Variants in RPS6KL1 observed in about 807,000 individuals in gnomAD.
The protein encoded by RPS6KL1 is ribosomal protein S6 kinase like 1, also known as ribosomal protein S6 kinase-like 1.
RPS6KL1 carries 41 observed loss-of-function variants against 57.0 expected under a neutral mutation model. That is an observed-to-expected ratio of 0.72 (90% CI 0.56 to 0.93). The LOEUF is 0.93. Among genes scored for constraint, RPS6KL1 ranks in the 40% least tolerant of loss-of-function variants. The probability of loss-of-function intolerance (pLI) is 0.00; values close to 1 mark genes in which losing one functional copy is unlikely to be tolerated. For synonymous variants in RPS6KL1, 287 were observed against 309.7 expected (o/e 0.93, Z 0.77); for missense variants, 697 against 727.7 (o/e 0.96, Z 0.49).
In RPS6KL1 at chr14:74,906,269, CTT is replaced by C. The variant is rs1483101787; in HGVS notation, c.*743_*744del. 6.3e-6 allele frequency: 2 copies of C among 319,994 alleles called. No individual in the cohort carries two copies. The highest frequency in any genetic ancestry group is 4.3e-5 in the African/African-American group (2 of 46,368). 19.8% of individuals were successfully genotyped at this position (319,994 alleles called of 1,614,324 possible). A position where few individuals can be genotyped will look rare whatever the true frequency, so the allele number is the denominator to read the frequency against. The stretch of plus-strand genomic sequence containing the variant: ...CACAGGCCCACTGGGGAGGAGGACT[CTT>C]GATTCTGGTTTCAGACTTGCTCTAA... On this transcript the variant is annotated 3_prime_UTR_variant, in exon 12 of 12. Coordinates refer to ENST00000557413, the MANE Select transcript of RPS6KL1 (RefSeq NM_031464.5).
Position 74,910,045 on chromosome 14 carries a change from G to A in RPS6KL1, c.768C>T (p.His256=), listed in dbSNP as rs770434422. The A allele has an allele frequency of 6.2e-7, 1 of 1,613,156 alleles. No individual in the cohort carries two copies. Among genetic ancestry groups the A allele is most frequent in the South Asian group, 1.1e-5 (1 of 91,064 alleles). ...GCCTCGCTGGGGTCAGGAGGTTGAG[G>A]TGGGGGTTGAGCTGAGCCTTCATCC... is the stretch of plus-strand genomic sequence containing the variant. ...QERMKAQLNP[H]LNLLTPARLP... The change falls in exon 8 of 12, where the codon CAC becomes CAT. Residue 256 remains histidine (H), a synonymous_variant. Coordinates refer to ENST00000557413, the MANE Select transcript of RPS6KL1 (RefSeq NM_031464.5).
In RPS6KL1 at chr14:74,922,321, C is replaced by T. The variant is rs1887980765; in HGVS notation, c.-364G>A. ...TGCCTGTTGTCTCCTCCCTGCTCCT[C>T]CTGTGGGAATCTCATTTACCCTTTG... On this transcript the variant is annotated 5_prime_UTR_variant, in exon 2 of 12. Transcript: ENST00000557413. The T allele has an allele frequency of 1.0e-6, 1 of 986,334 alleles. No individual in the cohort carries two copies. The highest frequency in any genetic ancestry group is 1.2e-6 in the Non-Finnish European group (1 of 830,560). 61.1% of individuals were successfully genotyped at this position (986,334 alleles called of 1,614,324 possible). A position where few individuals can be genotyped will look rare whatever the true frequency, so the allele number is the denominator to read the frequency against.
Position 74,919,883 on chromosome 14 carries a change from G to T in RPS6KL1, c.352C>A (p.Leu118Met). The change falls in exon 4 of 12, where the codon CTG (leucine) becomes ATG (methionine). Residue 118 changes from leucine (L) to methionine (M), a missense_variant. Physicochemically the swap from Leu to Met is conservative, Grantham distance 15. Transcript: ENST00000557413. ...GCTCCACTGCTCAGCGGCCGCTGCA[G>T]GTGGCAGTTGAAGATCTCCTCTGCC... ...RRAEEIFNCH[L>M]QRPLSSGASP... is the part of the protein sequence containing the mutation. 1 of 1,613,870 alleles carries T rather than the reference G, an allele frequency of 6.2e-7. No homozygotes were observed. The highest frequency in any genetic ancestry group is 8.5e-7 in the Non-Finnish European group (1 of 1,179,944).
intron 9 of RPS6KL1, 82 bp downstream of exon 9, chr14:74,909,019 C>T (rs1426177146): frequency 6.4e-7 from 1 of 1,573,942 alleles, no homozygotes; most frequent in African/African-American, 1.3e-5. Flanking sequence ...CACCCACCCG[C>T]TCTGTCATTC....
Position 74,906,872 on chromosome 14 carries a change from G to A in RPS6KL1, c.*142C>T, listed in dbSNP as rs1299546188. 1 of 799,266 alleles carries A rather than the reference G, an allele frequency of 1.3e-6. No homozygotes were observed. Among genetic ancestry groups the A allele is most frequent in the East Asian group, 2.4e-5 (1 of 41,164 alleles). The allele number at this position is 799,266 out of a possible 1,614,324, so 49.5% of individuals were successfully genotyped here. On this transcript the variant is annotated 3_prime_UTR_variant, in exon 12 of 12. Coordinates refer to ENST00000557413, the MANE Select transcript of RPS6KL1 (RefSeq NM_031464.5). Reference sequence around the variant, plus strand: ...TGGTGGCCATAATTCTGAGGCCCCAGTGGGAGCCCAGCAGGACAGACAGTG... The same window carrying A: ...TGGTGGCCATAATTCTGAGGCCCCAATGGGAGCCCAGCAGGACAGACAGTG...
intron 5 of RPS6KL1, among the ~76,000 whole-genome samples, chr14:74,916,628 C>T (rs986379215): frequency 2.6e-5 from 4 of 152,016 alleles, no homozygotes; most frequent in Non-Finnish European, 5.9e-5. Flanking sequence ...CTGCAGTGAG[C>T]CGAGATCACG....
chr14:74,911,703 G>T, intron 6 of RPS6KL1, 91 bp downstream of exon 6: 2 of 1,224,888 alleles, frequency 1.6e-6, no homozygotes, highest in Middle Eastern at 1.9e-4. Context: ...GGGAGTGCAG[G>T]CTTCAAATGC....
intron 5 of RPS6KL1, among the ~76,000 whole-genome samples, chr14:74,915,076 C>T (rs1249865612): frequency 6.6e-6 from 1 of 152,204 alleles, no homozygotes; most frequent in Non-Finnish European, 1.5e-5. Flanking sequence ...CAGCACTGTC[C>T]AATTGAACTT....
intron 3 of RPS6KL1, 39 bp downstream of exon 3, chr14:74,921,238 T>TTCCCCCCCCCCCCCCCCCCCCCCCCCC: frequency 1.2e-6 from 1 of 840,166 alleles, no homozygotes; most frequent in African/African-American, 1.7e-5. Context: ...CACTGGCCCT[T>TTCCCCCCCCCCCCCCCCCCCCCCCCCC]CCCCACCCAC....
chr14:74,922,269 C>T lies in RPS6KL1; in HGVS notation c.-312G>A. 1 of 986,104 alleles carries T rather than the reference C, an allele frequency of 1.0e-6. No homozygotes were observed. 61.1% of individuals were successfully genotyped at this position (986,104 alleles called of 1,614,324 possible). A position where few individuals can be genotyped will look rare whatever the true frequency, so the allele number is the denominator to read the frequency against. On this transcript the variant is annotated 5_prime_UTR_variant, in exon 2 of 12. Transcript: ENST00000557413. ...AGGCCACACACGCTGGGCTCAAATG[C>T]TGTTCCTCATGCTGTTCCCTCCACC...
chr14:74,911,698 T>C, intron 6 of RPS6KL1, 96 bp downstream of exon 6: 1 of 1,172,368 alleles, frequency 8.5e-7, no homozygotes, highest in Admixed American at 2.1e-5. Context: ...TGGGAGGGAG[T>C]GCAGGCTTCA....
intron 4 of RPS6KL1, 149 bp downstream of exon 4, chr14:74,919,696 C>CGCCCT (rs1187140889): frequency 1.7e-5 from 14 of 801,626 alleles, no homozygotes; most frequent in Non-Finnish European, 2.3e-5. Flanking sequence ...GAAGATGGGC[C>CGCCCT]GCCCTGGCAC....
intron 11 of RPS6KL1, 68 bp from the exon 12 acceptor site, chr14:74,907,192 C>T: frequency 7.0e-7 from 1 of 1,423,986 alleles, no homozygotes; most frequent in South Asian, 1.3e-5. Flanking sequence ...TCCAGGGACT[C>T]CAACCACTAT....
rs766432829 is a variant in RPS6KL1 at position 74,908,930 on chromosome 14, C to A, written c.1363G>T (p.Val455Leu). 3 of 1,612,778 alleles carry A rather than the reference C, an allele frequency of 1.9e-6. No individual in the cohort carries two copies. The highest frequency in any genetic ancestry group is 2.5e-6 in the Non-Finnish European group (3 of 1,179,184). Reference protein sequence around the residue: ...AVDNLYSAPEVGGISELTEAC... With the variant: ...AVDNLYSAPELGGISELTEAC... The stretch of plus-strand genomic sequence containing the variant: ...TCCGTCAGCTCGGAAATCCCACCCA[C>A]CTCTGTGGGAACAAGAACACAGGTG... The change falls in exon 10 of 12, where the codon GTG becomes TTG. Residue 455 changes from valine (V) to leucine (L), a missense_variant and splice_region_variant. Physicochemically the swap from Val to Leu is conservative, Grantham distance 32 (BLOSUM62 1). Transcript: ENST00000557413.
chr14:74,910,254 T>G (rs1187504500), intron 7 of RPS6KL1, 106 bp from the exon 8 acceptor site: 1 of 1,348,822 alleles, frequency 7.4e-7, no homozygotes, highest in Non-Finnish European at 9.8e-7. Flanking sequence ...GGCGCAGACT[T>G]TCCGCCTCTG....
Position 74,906,911 on chromosome 14 carries a change from G to T in RPS6KL1, c.*103C>A. On this transcript the variant is annotated 3_prime_UTR_variant, in exon 12 of 12. Transcript: ENST00000557413. ...GGACAGACAGTGCCCTCCATTCCTC[G>T]CCCAAAGCCCGCTGATAGAGGGCCA... The T allele has an allele frequency of 1.1e-6, 1 of 915,936 alleles. No homozygotes were observed. 56.7% of individuals were successfully genotyped at this position (915,936 alleles called of 1,614,324 possible).
Position 74,911,243 on chromosome 14 carries a change from C to T in RPS6KL1, c.664+5G>A. ...GAGCTGACAGGGGGCCCCAGGCCTG[C>T]TCACCTTGCACATGCTCCAGGTGCA... On this transcript the variant is annotated splice_donor_5th_base_variant and intron_variant, in intron 7 of 11. Coordinates refer to ENST00000557413, the MANE Select transcript of RPS6KL1 (RefSeq NM_031464.5). 1.2e-6 allele frequency: 2 copies of T among 1,611,322 alleles called. No individual in the cohort carries two copies. Among genetic ancestry groups the T allele is most frequent in the Non-Finnish European group, 1.7e-6 (2 of 1,179,952 alleles).
rs1884751689 is a variant in RPS6KL1, at chr14:74,906,056, A to G, written c.*958T>C. On this transcript the variant is annotated 3_prime_UTR_variant, in exon 12 of 12. Transcript: ENST00000557413. Reference sequence around the variant, plus strand: ...AGACATTTCTGGCTAAGAGCCATGGATAGTTGTTCCATGCGTTTTGTGGTT... The same window carrying G: ...AGACATTTCTGGCTAAGAGCCATGGGTAGTTGTTCCATGCGTTTTGTGGTT... 1 of 168,580 alleles carries G rather than the reference A, an allele frequency of 5.9e-6. No homozygotes were observed. The highest frequency in any genetic ancestry group is 1.3e-5 in the Non-Finnish European group (1 of 76,472). 10.4% of individuals were successfully genotyped at this position (168,580 alleles called of 1,614,324 possible). A position where few individuals can be genotyped will look rare whatever the true frequency, so the allele number is the denominator to read the frequency against.
At chr14:74,920,594 A>G (rs1887673146) in intron 3 of RPS6KL1, among the ~76,000 whole-genome samples, 1 of 152,190 alleles carries the variant, frequency 6.6e-6, no homozygotes, top group African/African-American at 2.4e-5. Context: ...CTAGGCCTTG[A>G]ATGTTCTTTC....
Sources: allele counts gnomAD v4.1 joint callset (sites outside exome capture counted in the v4.1 genomes callset), GRCh38; gene constraint gnomAD v4.1.1; transcripts MANE v1.5; gene names NCBI Gene and HGNC (gene_info 2026-07-23, HGNC 2026-07-21).